Variants in PAMR1 observed in about 807,000 individuals in gnomAD.
PAMR1 encodes the protein peptidase domain containing associated with muscle regeneration 1, also known as inactive serine protease PAMR1.
In PAMR1, 88 loss-of-function variants were observed where a neutral mutation model predicts 81.8. That is an observed-to-expected ratio of 1.08 (90% CI 0.91 to 1.28). The LOEUF (loss-of-function observed/expected upper bound fraction) is 1.28, where lower values mean the gene tolerates loss of function less well. Ranked by LOEUF, PAMR1 falls within the 50% of genes most tolerant of loss-of-function variation. PAMR1 has a pLI of 0.00. For missense variants in PAMR1, 935 were observed against 919.7 expected, an observed-to-expected ratio of 1.02 and a Z score of -0.21; for synonymous variants, 336 against 345.3, an observed-to-expected ratio of 0.97 and a Z score of 0.30.
chr11:35,493,731 A>T (rs1196647174), intron 2 of PAMR1, among the ~76,000 whole-genome samples: 1 of 152,120 alleles, frequency 6.6e-6, no homozygotes, highest in Non-Finnish European at 1.5e-5. Context: ...AGCACTTACT[A>T]CACTGTATGG....
chr11:35,485,456 G>A (rs142679361), intron 3 of PAMR1, among the ~76,000 whole-genome samples: 1 of 152,280 alleles, frequency 6.6e-6, no homozygotes, highest in Non-Finnish European at 1.5e-5. Flanking sequence ...TAAAGTGCCA[G>A]TAGCTCTTAG....
intron 3 of PAMR1, among the ~76,000 whole-genome samples, chr11:35,485,659 T>C (rs1172469955): frequency 2.0e-5 from 3 of 152,220 alleles, no homozygotes; most frequent in Non-Finnish European, 1.5e-5. Context: ...ATAAACATTG[T>C]CAAGGACAGT....
rs1164221773 is a variant in PAMR1 at position 35,525,613 on chromosome 11, T to C, written c.-28A>G. 3 of 1,609,350 alleles carry C rather than the reference T, an allele frequency of 1.9e-6. No individual in the cohort carries two copies. The highest frequency in any genetic ancestry group is 2.5e-6 in the Non-Finnish European group (3 of 1,176,798). ...TTGCCGCGGCTGGTGCCCGAGCGTC[T>C]ACTGGGGAGGGAGAGGAGGGACCCA... On this transcript the variant is annotated 5_prime_UTR_variant, in exon 1 of 11. Transcript: ENST00000619888.
chr11:35,526,720 G>A (rs1302281471), upstream of PAMR1, among the ~76,000 whole-genome samples: 2 of 152,180 alleles, frequency 1.3e-5, no homozygotes, highest in African/African-American at 4.8e-5. Context: ...GAGCTTCTTA[G>A]GATGCTACAT....
intron 1 of PAMR1, among the ~76,000 whole-genome samples, chr11:35,523,732 G>A (rs186768677): frequency 2.0e-4 from 30 of 152,092 alleles, no homozygotes; most frequent in African/African-American, 3.9e-4. Context: ...CTATTCCTCC[G>A]TCTTCCCTCG....
Position 35,434,656 on chromosome 11 carries a change from C to A in PAMR1, c.1482G>T (p.Val494=). 3.1e-6 allele frequency: 5 copies of A among 1,614,190 alleles called. No homozygotes were observed. The highest frequency in any genetic ancestry group is 4.2e-6 in the Non-Finnish European group (5 of 1,180,044). The stretch of plus-strand genomic sequence containing the variant: ...CAGCCACCACCACAGTGCGCTCATT[C>A]ACCAGGGCACCGCTGCAGACTAGGA... ...AWFLVCSGAL[V]NERTVVVAAH... is the part of the protein sequence containing the mutation. Residue 494 remains valine, a synonymous_variant, in exon 10 of 11, where the codon GTG becomes GTT. Transcript: ENST00000619888.
intron 6 of PAMR1, among the ~76,000 whole-genome samples, chr11:35,454,350 G>T (rs1442283187): frequency 6.6e-6 from 1 of 152,190 alleles, no homozygotes; most frequent in African/African-American, 2.4e-5. Flanking sequence ...AGGGTTGCCT[G>T]TAGGCAATGA....
At chr11:35,447,064 T>G (rs1453599777) in intron 6 of PAMR1, among the ~76,000 whole-genome samples, 1 of 152,228 alleles carries the variant, frequency 6.6e-6, no homozygotes, top group Non-Finnish European at 1.5e-5. Flanking sequence ...CTTGCTTAAT[T>G]GAACCCTTTA....
intron 6 of PAMR1, among the ~76,000 whole-genome samples, chr11:35,461,376 C>G (rs1010548481): frequency 2.0e-5 from 3 of 152,152 alleles, no homozygotes; most frequent in Admixed American, 6.5e-5. Context: ...GTATTTGGCT[C>G]TAGCCTAGGT....
At chr11:35,517,295 C>A (rs2135423859) in intron 1 of PAMR1, among the ~76,000 whole-genome samples, 1 of 152,318 alleles carries the variant, frequency 6.6e-6, no homozygotes, top group East Asian at 1.9e-4. Flanking sequence ...ATCTCATGGC[C>A]CTTTCAACAT....
At chr11:35,482,626 C>A (rs879850955) in intron 3 of PAMR1, among the ~76,000 whole-genome samples, 1 of 152,102 alleles carries the variant, frequency 6.6e-6, no homozygotes, top group Non-Finnish European at 1.5e-5. Flanking sequence ...GTACTTTGGG[C>A]AGTATGGCCA....
intron 1 of PAMR1, among the ~76,000 whole-genome samples, chr11:35,520,770 A>G (rs1851256433): frequency 6.6e-6 from 1 of 152,132 alleles, no homozygotes; most frequent in South Asian, 2.1e-4. Flanking sequence ...TACACCCCAA[A>G]TCAACTGCAG....
intron 1 of PAMR1, among the ~76,000 whole-genome samples, chr11:35,498,693 C>A (rs1565353668): frequency 6.6e-6 from 1 of 152,148 alleles, no homozygotes; most frequent in Non-Finnish European, 1.5e-5. Context: ...CGACTCCGTC[C>A]ACCTTTTCCT....
intron 3 of PAMR1, among the ~76,000 whole-genome samples, chr11:35,474,999 T>C (rs1247452858): frequency 6.6e-6 from 1 of 152,170 alleles, no homozygotes; most frequent in African/African-American, 2.4e-5. Context: ...GGAAAACAGA[T>C]AGATGATCAG....
intron 1 of PAMR1, among the ~76,000 whole-genome samples, chr11:35,500,555 A>C (rs1006103804): frequency 6.6e-6 from 1 of 152,208 alleles, no homozygotes; most frequent in Non-Finnish European, 1.5e-5. Context: ...TATAAGAATG[A>C]ATGAGTGGTC....
At chr11:35,507,091 G>C (rs1220183579) in intron 1 of PAMR1, among the ~76,000 whole-genome samples, 1 of 129,564 alleles carries the variant, frequency 7.7e-6, no homozygotes, top group African/African-American at 3.0e-5. Context: ...TTGTTGCCCA[G>C]GCTGGAGTGC....
intron 7 of PAMR1, among the ~76,000 whole-genome samples, chr11:35,440,485 A>T (rs1449043469): frequency 6.6e-6 from 1 of 152,200 alleles, no homozygotes; most frequent in Non-Finnish European, 1.5e-5. Context: ...TCCTTTTCCC[A>T]TGATTCAGGT....
At chr11:35,477,786 G>A (rs1850309170) in intron 3 of PAMR1, among the ~76,000 whole-genome samples, 1 of 152,100 alleles carries the variant, frequency 6.6e-6, no homozygotes, top group Non-Finnish European at 1.5e-5. Flanking sequence ...GGGGCATTCT[G>A]ACCCAGTCCT....
At chr11:35,506,380 T>A (rs1401563242) in intron 1 of PAMR1, among the ~76,000 whole-genome samples, 1 of 151,322 alleles carries the variant, frequency 6.6e-6, no homozygotes, top group Non-Finnish European at 1.5e-5. Context: ...GTGGGTTTTA[T>A]ACCTTCAAAA....
Sources: gnomAD v4.1 joint callset for allele counts (sites outside exome capture counted in the v4.1 genomes callset) on GRCh38, gnomAD v4.1.1 for gene constraint, MANE v1.5 for transcripts, NCBI Gene and HGNC (gene_info 2026-07-23, HGNC 2026-07-21) for gene names.